The following CNTN4 variants were observed in gnomAD, a reference collection of about 807,000 sequenced individuals.
The protein encoded by CNTN4 is contactin 4, also known as contactin-4.
CNTN4 carries 77 observed loss-of-function variants against 122.5 expected under a neutral mutation model. The ratio of observed to expected loss-of-function variants is 0.63; its 90% CI spans 0.52 to 0.76. The LOEUF is 0.76. Among genes scored for constraint, CNTN4 ranks in the 30% least tolerant of loss-of-function variants. CNTN4 has a pLI of 0.00. For missense variants in CNTN4, 1,256 were observed against 1,259.1 expected (o/e 1.00, Z 0.04); for synonymous variants, 512 against 447.0 (o/e 1.15, Z -1.83).
chr3:2,807,826 G>A (rs1401689560), intron 6 of CNTN4, among the ~76,000 whole-genome samples: 1 of 152,170 alleles, frequency 6.6e-6, no homozygotes, highest in East Asian at 1.9e-4. Flanking sequence ...ATGGATGCCA[G>A]GAAGTACTGA....
At chr3:2,169,515 T>C (rs2036354128) in intron 2 of CNTN4, among the ~76,000 whole-genome samples, 1 of 144,874 alleles carries the variant, frequency 6.9e-6, no homozygotes, top group Admixed American at 6.7e-5. Context: ...CCCGCCATTC[T>C]CCTGCCTCAG....
At chr3:2,514,856 G>A (rs1469517972) in intron 3 of CNTN4, among the ~76,000 whole-genome samples, 2 of 152,048 alleles carry the variant, frequency 1.3e-5, no homozygotes, top group East Asian at 3.9e-4. Context: ...TCACTAGGAT[G>A]CTTTCATTTT....
At chr3:2,653,374 A>G (rs2619570) in intron 4 of CNTN4, among the ~76,000 whole-genome samples, 5,022 of 152,270 alleles carry the variant, frequency 0.033, 282 homozygotes, top group African/African-American at 0.11. Flanking sequence ...TACATTAACC[A>G]GAGCTGTAGA....
chr3:2,611,587 CCT>C (rs1291602607), intron 4 of CNTN4, among the ~76,000 whole-genome samples: 1 of 152,108 alleles, frequency 6.6e-6, no homozygotes, highest in Admixed American at 6.6e-5. Context: ...TCACACCATT[CCT>C]CTCTTTCCCT....
At chr3:2,879,270 A>G (rs895977740) in intron 8 of CNTN4, among the ~76,000 whole-genome samples, 1 of 152,188 alleles carries the variant, frequency 6.6e-6, no homozygotes, top group Non-Finnish European at 1.5e-5. Context: ...ATGAATGCCA[A>G]GGATTGACAG....
intron 6 of CNTN4, among the ~76,000 whole-genome samples, chr3:2,781,757 C>T (rs1034820797): frequency 1.1e-4 from 13 of 118,240 alleles, no homozygotes; most frequent in Admixed American, 8.3e-4. Flanking sequence ...CGGAGTGTCG[C>T]TCTGTCGCCC....
chr3:2,432,728 A>C lies in CNTN4; in HGVS notation c.-89+93495A>C, dbSNP rs115513703. ...TTTATCCATTTATGTGATAATGGAC[A>C]CCAAGATTGCTTTCATATTTTAGCT... On this transcript the variant is annotated intron_variant, in intron 3 of 24. Coordinates refer to ENST00000418658, the MANE Select transcript of CNTN4 (RefSeq NM_175607.3). 3.1e-3 allele frequency among the ~76,000 whole-genome samples: 466 copies of C among 151,966 alleles called. 2 individuals are homozygous for C. Among genetic ancestry groups the C allele is most frequent in the African/African-American group, 9.1e-3 (375 of 41,428 alleles).
intron 3 of CNTN4, among the ~76,000 whole-genome samples, chr3:2,566,655 A>AT (rs1444209405): frequency 2.1e-4 from 32 of 152,318 alleles, no homozygotes; most frequent in African/African-American, 7.5e-4. Flanking sequence ...ATGATAGTTA[A>AT]TGCTCACATA....
intron 8 of CNTN4, among the ~76,000 whole-genome samples, chr3:2,876,557 C>A (rs1252675482): frequency 6.6e-6 from 1 of 152,082 alleles, no homozygotes; most frequent in African/African-American, 2.4e-5. Context: ...CCAGCTAAGG[C>A]AGGTGTTGGC....
At chr3:2,816,104 C>T (rs887494537) in intron 6 of CNTN4, among the ~76,000 whole-genome samples, 39 of 152,072 alleles carry the variant, frequency 2.6e-4, no homozygotes, top group African/African-American at 8.9e-4. Context: ...CCTGTAATCC[C>T]GGCACTTTGG....
At chr3:2,956,258 A>T (rs1199814036) in intron 13 of CNTN4, among the ~76,000 whole-genome samples, 1 of 152,182 alleles carries the variant, frequency 6.6e-6, no homozygotes, top group African/African-American at 2.4e-5. Flanking sequence ...GACAGAAAGT[A>T]GGATAATGGT....
chr3:2,705,871 TA>T (rs2086689412), intron 4 of CNTN4, among the ~76,000 whole-genome samples: 1 of 75,264 alleles, frequency 1.3e-5, no homozygotes, highest in Non-Finnish European at 2.2e-5. Flanking sequence ...TTATATATAA[TA>T]TATATTTTTT....
chr3:2,437,883 C>CA (rs2048309975), intron 3 of CNTN4, among the ~76,000 whole-genome samples: 1 of 152,040 alleles, frequency 6.6e-6, no homozygotes, highest in Non-Finnish European at 1.5e-5. Context: ...CCTACTTTAC[C>CA]AGTTAAGGCA....
intron 2 of CNTN4, among the ~76,000 whole-genome samples, chr3:2,192,800 ACCACTATTAGCTCC>A (rs2149347032): frequency 6.6e-6 from 1 of 152,164 alleles, no homozygotes; most frequent in African/African-American, 2.4e-5. Flanking sequence ...TTACACCAAA[ACCACTATTAGCTCC>A]CCACTATTTA....
chr3:2,222,248 G>C (rs1256752349), intron 2 of CNTN4, among the ~76,000 whole-genome samples: 1 of 152,144 alleles, frequency 6.6e-6, no homozygotes, highest in Non-Finnish European at 1.5e-5. Context: ...CTACAAAATG[G>C]ATAAACCTTG....
intron 4 of CNTN4, among the ~76,000 whole-genome samples, chr3:2,703,702 A>G (rs1273764930): frequency 1.3e-5 from 2 of 152,150 alleles, no homozygotes; most frequent in Admixed American, 6.5e-5. Flanking sequence ...GAAAGAAGAA[A>G]ACAAAATTGT....
At chr3:2,443,497 G>A (rs550149437) in intron 3 of CNTN4, among the ~76,000 whole-genome samples, 22 of 152,088 alleles carry the variant, frequency 1.4e-4, no homozygotes, top group Non-Finnish European at 2.2e-4. Context: ...GTTTCTTAGC[G>A]TTAGTTCTAA....
chr3:2,961,079 A>C (rs2094850293), intron 13 of CNTN4, among the ~76,000 whole-genome samples: 1 of 141,656 alleles, frequency 7.1e-6, no homozygotes, highest in Non-Finnish European at 1.6e-5. Flanking sequence ...AAATACAAAA[A>C]ATTAGCCGGG....
intron 13 of CNTN4, among the ~76,000 whole-genome samples, chr3:2,926,520 A>T (rs1040059137): frequency 6.6e-6 from 1 of 152,244 alleles, no homozygotes; most frequent in East Asian, 1.9e-4. Context: ...TAATCTACTT[A>T]ATCTGTTGCA....
Sources: gnomAD v4.1 joint callset for allele counts (sites outside exome capture counted in the v4.1 genomes callset) on GRCh38, gnomAD v4.1.1 for gene constraint, MANE v1.5 for transcripts, NCBI Gene and HGNC (gene_info 2026-07-23, HGNC 2026-07-21) for gene names.